Variants in TFB1M observed in about 807,000 individuals in gnomAD.
The protein encoded by TFB1M is dimethyladenosine transferase 1, mitochondrial.
In TFB1M, 27 loss-of-function variants were observed where a neutral mutation model predicts 31.1. The observed-to-expected ratio is 0.87, with a 90% CI of 0.64 to 1.20. TFB1M has a LOEUF of 1.20. TFB1M is among the 50% of genes most tolerant of loss of function. The pLI, the probability that TFB1M is intolerant of heterozygous loss-of-function variation, is 0.00. For synonymous variants in TFB1M, 166 were observed against 151.8 expected (o/e 1.09, Z -0.69); for missense variants, 394 against 418.7 (o/e 0.94, Z 0.51).
the TFB1M span, among the ~76,000 whole-genome samples, chr6:155,232,039 C>T: frequency 7.9e-5 from 12 of 152,272 alleles, no homozygotes; most frequent in African/African-American, 2.9e-4. Flanking sequence ...CGAGATCGTG[C>T]CACTGCACTC....
the TFB1M span, among the ~76,000 whole-genome samples, chr6:155,239,705 G>T: frequency 6.6e-6 from 1 of 152,146 alleles, no homozygotes; most frequent in Non-Finnish European, 1.5e-5. Context: ...TCCCATGACT[G>T]GGAGCGAGTA....
chr6:155,302,893 A>T (rs1276289268), intron 2 of TFB1M, among the ~76,000 whole-genome samples: 1 of 152,176 alleles, frequency 6.6e-6, no homozygotes, highest in Non-Finnish European at 1.5e-5. Context: ...GTCATGGTGG[A>T]AGGGGAAGTA....
chr6:155,248,976 A>C, the TFB1M span, among the ~76,000 whole-genome samples: 1 of 152,174 alleles, frequency 6.6e-6, no homozygotes. Context: ...ATCAAAATCA[A>C]CAAGAGGAAA....
intron 5 of TFB1M, among the ~76,000 whole-genome samples, chr6:155,273,010 C>T (rs1476709811): frequency 1.3e-5 from 2 of 152,150 alleles, no homozygotes; most frequent in Non-Finnish European, 2.9e-5. Context: ...AGTGAGCAAG[C>T]AGATGCTGTT....
At position 155,257,593 on chromosome 6, in the gene TFB1M, T is replaced by A. The variant is rs1784148858; in HGVS notation, c.*243A>T. ...TTCATTTTTGTAAGATAGATTGTAATAGATGCTGTTTATACTAAACATGTC... is the reference window on the plus strand; with the variant it reads ...TTCATTTTTGTAAGATAGATTGTAAAAGATGCTGTTTATACTAAACATGTC... On this transcript the variant is annotated 3_prime_UTR_variant, in exon 7 of 7. Transcript: ENST00000367166. 5 of 482,592 alleles carry A rather than the reference T, an allele frequency of 1.0e-5. No homozygotes were observed. Among genetic ancestry groups the A allele is most frequent in the African/African-American group, 1.9e-5 (1 of 51,334 alleles). 29.9% of individuals were successfully genotyped at this position (482,592 alleles called of 1,614,324 possible).
At chr6:155,271,581 T>C (rs1307916373) in intron 5 of TFB1M, among the ~76,000 whole-genome samples, 1 of 152,180 alleles carries the variant, frequency 6.6e-6, no homozygotes, top group African/African-American at 2.4e-5. Context: ...TTCTTCTGAA[T>C]GATTATTTTG....
At chr6:155,251,244 T>A (rs368255278), downstream of TFB1M, among the ~76,000 whole-genome samples, 11 of 152,338 alleles carry the variant, frequency 7.2e-5, no homozygotes, top group East Asian at 1.5e-3. Context: ...GGCCAAGTGT[T>A]ACAGGAACAG....
the TFB1M span, among the ~76,000 whole-genome samples, chr6:155,236,062 G>T: frequency 2.0e-5 from 3 of 151,996 alleles, no homozygotes; most frequent in Non-Finnish European, 2.9e-5. Context: ...TGAGCTTGTG[G>T]TGCAAATCCC....
Position 155,257,524 on chromosome 6 carries a change from T to TTTAAG in TFB1M, c.*307_*311dup, listed in dbSNP as rs895018150. 8.3e-6 allele frequency: 3 copies of TTTAAG among 360,778 alleles called. No homozygotes were observed. The highest frequency in any genetic ancestry group is 1.5e-5 in the Non-Finnish European group (3 of 199,344). 22.3% of individuals were successfully genotyped at this position (360,778 alleles called of 1,614,324 possible). On this transcript the variant is annotated 3_prime_UTR_variant, in exon 7 of 7. Transcript: ENST00000367166. ...TAGTTTTTGCTTTATTTAAAGCATA[T>TTTAAG]TTAAGTTATTTTAATGTGGTTTAGG...
chr6:155,257,020 G>T lies in TFB1M; in HGVS notation c.*816C>A. 1 of 1,614,100 alleles carries T rather than the reference G, an allele frequency of 6.2e-7. No individual in the cohort carries two copies. The highest frequency in any genetic ancestry group is 8.5e-7 in the Non-Finnish European group (1 of 1,180,016). The stretch of plus-strand genomic sequence containing the variant: ...CAGTCAGTCTGAAAATGCCACCATC[G>T]ACCTAAATTCTGTTCTAGAGCGAGA... On this transcript the variant is annotated 3_prime_UTR_variant, in exon 7 of 7. Coordinates refer to ENST00000367166, the MANE Select transcript of TFB1M (RefSeq NM_016020.4).
At chr6:155,273,534 T>G (rs898061110) in intron 5 of TFB1M, among the ~76,000 whole-genome samples, 7 of 152,236 alleles carry the variant, frequency 4.6e-5, no homozygotes, top group African/African-American at 1.7e-4. Flanking sequence ...ATGTGGCCTA[T>G]TAACATCCTC....
chr6:155,254,826 A>G, downstream of TFB1M: 1 of 444,680 alleles, frequency 2.2e-6, no homozygotes, highest in South Asian at 3.0e-5. Context: ...TTCTTCCACT[A>G]AGATGTGCAT....
chr6:155,252,803 C>CTGAT, downstream of TFB1M: 1 of 655,496 alleles, frequency 1.5e-6, no homozygotes, highest in Admixed American at 2.7e-5. Context: ...GGGTGCGTAG[C>CTGAT]TGATTGACTT....
At chr6:155,300,897 G>A (rs1360434975) in intron 2 of TFB1M, among the ~76,000 whole-genome samples, 3 of 152,022 alleles carry the variant, frequency 2.0e-5, no homozygotes, top group African/African-American at 7.3e-5. Flanking sequence ...CTCTGCTCCT[G>A]GGATTCAGGC....
At chr6:155,236,682 G>A in the TFB1M span, among the ~76,000 whole-genome samples, 1 of 152,054 alleles carries the variant, frequency 6.6e-6, no homozygotes. Context: ...AAATAAAAGA[G>A]CAAGTCATAT....
At chr6:155,276,153 C>G in intron 5 of TFB1M, 1 of 1,614,142 alleles carries the variant, frequency 6.2e-7, no homozygotes, top group Non-Finnish European at 8.5e-7. Flanking sequence ...GAGATCATAG[C>G]AAACTTTCTG....
chr6:155,246,293 C>G, the TFB1M span, among the ~76,000 whole-genome samples: 115 of 152,208 alleles, frequency 7.6e-4, no homozygotes, highest in Non-Finnish European at 9.7e-4. Flanking sequence ...TCCACGGATG[C>G]AGCTCTGCCA....
At chr6:155,286,595 GTA>G (rs1166015052) in intron 4 of TFB1M, among the ~76,000 whole-genome samples, 1 of 145,870 alleles carries the variant, frequency 6.9e-6, no homozygotes, top group Admixed American at 6.9e-5. Flanking sequence ...GTATATGTGT[GTA>G]TATATGTGTG....
intron 5 of TFB1M, among the ~76,000 whole-genome samples, chr6:155,275,401 T>C (rs1785140498): frequency 6.6e-6 from 1 of 152,168 alleles, no homozygotes; most frequent in South Asian, 2.1e-4. Flanking sequence ...GCAACTGCTT[T>C]CTTTATGCCC....
Sources: gnomAD v4.1 joint callset for allele counts (sites outside exome capture counted in the v4.1 genomes callset) on GRCh38, gnomAD v4.1.1 for gene constraint, MANE v1.5 for transcripts, NCBI Gene and HGNC (gene_info 2026-07-23, HGNC 2026-07-21) for gene names.